UVRAG: variants seen among roughly 807,000 people sequenced by gnomAD.
The protein encoded by UVRAG is UV radiation resistance associated.
A neutral mutation model predicts 78.0 loss-of-function variants in UVRAG; 19 were observed. That is an observed-to-expected ratio of 0.24 (90% CI 0.17 to 0.36). UVRAG has a LOEUF of 0.36. UVRAG is among the 10% of genes least tolerant of loss of function. The pLI, the probability that UVRAG is intolerant of heterozygous loss-of-function variation, is 1.00. For synonymous variants in UVRAG, 323 were observed against 324.6 expected (o/e 1.00, Z 0.05); for missense variants, 740 against 853.8 (o/e 0.87, Z 1.66).
chr11:76,108,184 G>T (rs1952004073), intron 13 of UVRAG, among the ~76,000 whole-genome samples: 1 of 152,116 alleles, frequency 6.6e-6, no homozygotes, highest in African/African-American at 2.4e-5. Flanking sequence ...AGTTTGGAAG[G>T]GTGGGGACAT....
chr11:75,820,295 T>C (rs767621647), intron 1 of UVRAG, among the ~76,000 whole-genome samples: 6 of 151,930 alleles, frequency 3.9e-5, no homozygotes, highest in Admixed American at 1.3e-4. Flanking sequence ...TTTATACTTA[T>C]AGAAAAATTG....
chr11:76,121,974 C>G (rs1490984405), intron 14 of UVRAG, among the ~76,000 whole-genome samples: 1 of 152,160 alleles, frequency 6.6e-6, no homozygotes, highest in African/African-American at 2.4e-5. Flanking sequence ...TTACTCATCT[C>G]TGTGGTCCCA....
At chr11:76,122,481 C>T (rs1035543138) in intron 14 of UVRAG, among the ~76,000 whole-genome samples, 3 of 152,158 alleles carry the variant, frequency 2.0e-5, no homozygotes, top group African/African-American at 7.2e-5. Flanking sequence ...ATAGTGTGGT[C>T]AGAAGAATTA....
At chr11:76,065,864 T>C in intron 13 of UVRAG, 76 bp downstream of exon 13, 1 of 1,374,310 alleles carries the variant, frequency 7.3e-7, no homozygotes, top group Non-Finnish European at 1.0e-6. Context: ...CTTTTTTCTT[T>C]ATAAATATGC....
intron 7 of UVRAG, among the ~76,000 whole-genome samples, chr11:75,961,864 A>G (rs1948917698): frequency 6.6e-6 from 1 of 152,102 alleles, no homozygotes; most frequent in Admixed American, 6.5e-5. Context: ...AGCCGCCAGG[A>G]GGAAAAAAAA....
At chr11:76,095,264 G>T (rs1336117329) in intron 13 of UVRAG, among the ~76,000 whole-genome samples, 1 of 152,080 alleles carries the variant, frequency 6.6e-6, no homozygotes, top group Non-Finnish European at 1.5e-5. Context: ...AGGGCCACCA[G>T]TTCTTGAGCC....
chr11:76,126,895 G>T (rs1008601952), intron 14 of UVRAG, among the ~76,000 whole-genome samples: 5 of 151,050 alleles, frequency 3.3e-5, no homozygotes, highest in African/African-American at 1.2e-4. Context: ...TGCCTTAAAT[G>T]CCCTTCCCTT....
intron 14 of UVRAG, among the ~76,000 whole-genome samples, chr11:76,129,128 G>A (rs961240668): frequency 1.3e-5 from 2 of 152,192 alleles, no homozygotes; most frequent in Non-Finnish European, 2.9e-5. Context: ...GGAAACTGAG[G>A]AACTGAGGGG....
At chr11:76,112,825 C>G (rs1952102097) in intron 13 of UVRAG, among the ~76,000 whole-genome samples, 1 of 151,766 alleles carries the variant, frequency 6.6e-6, no homozygotes, top group African/African-American at 2.4e-5. Context: ...CTCCCAGGCT[C>G]AAGCAATCCT....
intron 7 of UVRAG, among the ~76,000 whole-genome samples, chr11:75,966,160 G>A (rs1405120948): frequency 1.3e-5 from 2 of 151,686 alleles, no homozygotes; most frequent in Non-Finnish European, 2.9e-5. Context: ...TTAACTTTTT[G>A]GTTTATTTTC....
intron 13 of UVRAG, among the ~76,000 whole-genome samples, chr11:76,094,465 T>G (rs906048950): frequency 4.6e-5 from 7 of 152,208 alleles, no homozygotes; most frequent in Admixed American, 1.3e-4. Context: ...CCGGTAGAAT[T>G]TGGCTGTGAA....
intron 8 of UVRAG, among the ~76,000 whole-genome samples, chr11:75,985,000 A>G (rs1408568924): frequency 6.6e-6 from 1 of 152,178 alleles, no homozygotes; most frequent in African/African-American, 2.4e-5. Context: ...ATTTCAGTTG[A>G]GTAGAAACTG....
intron 13 of UVRAG, among the ~76,000 whole-genome samples, chr11:76,090,310 G>T (rs1951673026): frequency 1.3e-5 from 2 of 152,158 alleles, no homozygotes; most frequent in South Asian, 4.1e-4. Flanking sequence ...ATGGTGTGCA[G>T]ACTGTATACA....
At chr11:75,844,477 G>A (rs1458303906) in intron 1 of UVRAG, among the ~76,000 whole-genome samples, 2 of 151,758 alleles carry the variant, frequency 1.3e-5, no homozygotes, top group African/African-American at 2.4e-5. Context: ...TGCCTGCCTC[G>A]GCCTCCCAAA....
chr11:75,922,614 A>G (rs1948001292), intron 6 of UVRAG, among the ~76,000 whole-genome samples: 1 of 152,154 alleles, frequency 6.6e-6, no homozygotes, highest in South Asian at 2.1e-4. Context: ...CTAATTGAAA[A>G]AGTTCAGTAG....
At position 76,115,948 on chromosome 11, in the gene UVRAG, A is replaced by G; in HGVS notation, c.1330A>G (p.Thr444Ala). 6.2e-7 allele frequency: 1 copy of G among 1,613,860 alleles called. No homozygotes were observed. Among genetic ancestry groups the G allele is most frequent in the Non-Finnish European group, 8.5e-7 (1 of 1,179,860 alleles). ...AQLRYQHGLG[T>A]PDLRQTLPNL... Reference sequence around the variant, plus strand: ...GCTAAGATATCAACATGGACTAGGGACTCCAGACTTGCGGCAAACCCTTCC... The same window carrying G: ...GCTAAGATATCAACATGGACTAGGGGCTCCAGACTTGCGGCAAACCCTTCC... The change falls in exon 14 of 15, where the codon ACT (threonine) becomes GCT (alanine). Residue 444 changes from threonine (T) to alanine (A), a missense_variant. Physicochemically the swap from Thr to Ala is moderately conservative, Grantham distance 58 (BLOSUM62 0). Transcript: ENST00000356136.
intron 13 of UVRAG, among the ~76,000 whole-genome samples, chr11:76,103,404 C>A (rs1951912560): frequency 6.6e-6 from 1 of 152,068 alleles, no homozygotes; most frequent in Non-Finnish European, 1.5e-5. Flanking sequence ...CCAATCACAC[C>A]TTTCACGTAT....
At chr11:75,967,183 T>C (rs78731104) in intron 7 of UVRAG, among the ~76,000 whole-genome samples, 3,732 of 152,274 alleles carry the variant, frequency 0.025, 166 homozygotes, top group African/African-American at 0.084. Flanking sequence ...TAGTCTATAT[T>C]TGTTATCCAT....
chr11:76,008,087 A>G (rs915759259), intron 10 of UVRAG, among the ~76,000 whole-genome samples: 2 of 151,556 alleles, frequency 1.3e-5, no homozygotes, highest in Admixed American at 1.3e-4. Flanking sequence ...ATTTTTTTGT[A>G]TTTTTAGAGA....
Sources: gnomAD v4.1 joint callset for allele counts (sites outside exome capture counted in the v4.1 genomes callset) on GRCh38, gnomAD v4.1.1 for gene constraint, MANE v1.5 for transcripts, NCBI Gene and HGNC (gene_info 2026-07-23, HGNC 2026-07-21) for gene names.